TYW1B: variants seen among roughly 807,000 people sequenced by gnomAD.
TYW1B encodes the protein S-adenosyl-L-methionine-dependent tRNA 4-demethylwyosine synthase TYW1B.
Under a neutral mutation model 86.9 loss-of-function variants are expected in TYW1B, and 73 were observed. That is an observed-to-expected ratio of 0.84 (90% CI 0.70 to 1.02). The LOEUF is 1.02. Among genes scored for constraint, TYW1B ranks in the 50% least tolerant of loss-of-function variants. TYW1B has a pLI of 0.00. For missense variants in TYW1B, 637 were observed against 827.4 expected (o/e 0.77, Z 2.82); for synonymous variants, 248 against 292.8 (o/e 0.85, Z 1.56).
chr7:72,750,672 T>G (rs1198054240), intron 7 of TYW1B, among the ~76,000 whole-genome samples: 1 of 152,164 alleles, frequency 6.6e-6, no homozygotes, highest in Non-Finnish European at 1.5e-5. Context: ...CTCATGAAAT[T>G]TCACTCTCCT....
intron 13 of TYW1B, among the ~76,000 whole-genome samples, chr7:72,595,701 T>A (rs2129567926): frequency 6.6e-6 from 1 of 151,712 alleles, no homozygotes; most frequent in East Asian, 1.9e-4. Context: ...AATAAATAAA[T>A]ATAAATAAAA....
intron 3 of TYW1B, among the ~76,000 whole-genome samples, chr7:72,812,571 C>T (rs1179118902): frequency 6.6e-6 from 1 of 152,080 alleles, no homozygotes; most frequent in Non-Finnish European, 1.5e-5. Context: ...TTCAAGCTCA[C>T]TCATGTGCAC....
At chr7:72,584,086 G>A (rs1554430060) in intron 13 of TYW1B, among the ~76,000 whole-genome samples, 4 of 151,806 alleles carry the variant, frequency 2.6e-5, no homozygotes, top group African/African-American at 9.7e-5. Flanking sequence ...TTCCTCTGTC[G>A]CCCAGACTGG....
At chr7:72,825,356 A>G (rs2129573005) in intron 2 of TYW1B, among the ~76,000 whole-genome samples, 1 of 152,172 alleles carries the variant, frequency 6.6e-6, no homozygotes, top group East Asian at 1.9e-4. Flanking sequence ...TAGCACTATT[A>G]GAAATCAAAA....
chr7:72,772,100 C>T (rs1239239231), intron 7 of TYW1B, among the ~76,000 whole-genome samples: 2 of 151,632 alleles, frequency 1.3e-5, no homozygotes, highest in African/African-American at 2.4e-5. Flanking sequence ...CCATCTACCT[C>T]CGCCTCCCAA....
chr7:72,799,215 GCGGCATGATCTCGGCTGACTGCAA>G (rs1554475182), intron 6 of TYW1B, among the ~76,000 whole-genome samples: 1 of 147,640 alleles, frequency 6.8e-6, no homozygotes, highest in Admixed American at 6.9e-5. Context: ...CTTGAATGCA[GCGGCATGATCTCGGCTGACTGCAA>G]CCTCTGCCGC....
At chr7:72,632,388 G>GTATATATATATAATATATATATACA (rs71069095) in intron 11 of TYW1B, among the ~76,000 whole-genome samples, 5,113 of 69,688 alleles carry the variant, frequency 0.073, 340 homozygotes, top group East Asian at 0.24. Flanking sequence ...ATATATATAC[G>GTATATATATATAATATATATATACA]TATATATATA....
intron 11 of TYW1B, among the ~76,000 whole-genome samples, chr7:72,679,688 G>A (rs1477593384): frequency 2.6e-5 from 4 of 152,024 alleles, no homozygotes; most frequent in South Asian, 2.1e-4. Context: ...TGGTAAAAAC[G>A]TAATTTTTTA....
chr7:72,651,615 A>G (rs1301190761), intron 11 of TYW1B, among the ~76,000 whole-genome samples: 5 of 152,318 alleles, frequency 3.3e-5, no homozygotes, highest in Admixed American at 3.3e-4. Context: ...ACTCCAACTC[A>G]AAAAAGTTAA....
intron 11 of TYW1B, among the ~76,000 whole-genome samples, chr7:72,687,122 A>T (rs1462752526): frequency 1.3e-5 from 2 of 152,196 alleles, no homozygotes; most frequent in Non-Finnish European, 2.9e-5. Flanking sequence ...CTGTTTATCA[A>T]GCAATATTAA....
At chr7:72,794,168 T>C (rs1788267863) in intron 6 of TYW1B, among the ~76,000 whole-genome samples, 1 of 152,158 alleles carries the variant, frequency 6.6e-6, no homozygotes, top group Non-Finnish European at 1.5e-5. Flanking sequence ...ATCTCAGATC[T>C]TGACCCATTG....
In TYW1B at chr7:72,622,666, GCACATA is replaced by G. The variant is rs543544767; in HGVS notation, c.1618-5833_1618-5828del. Among the ~76,000 whole-genome samples the G allele has an allele frequency of 4.0e-4, 61 of 151,488 alleles. 1 individual carries two copies. In the South Asian group the frequency reaches 0.013, roughly 31 times the overall value. On this transcript the variant is annotated intron_variant, in intron 12 of 13. Coordinates refer to ENST00000620995, the MANE Select transcript of TYW1B (RefSeq NM_001145440.3). ...ATACAGACACATACCACACACACAT[GCACATA>G]CACATAACACATACACATGCACACA...
At chr7:72,789,668 A>T (rs1311220025) in intron 6 of TYW1B, among the ~76,000 whole-genome samples, 1 of 151,734 alleles carries the variant, frequency 6.6e-6, no homozygotes, top group Non-Finnish European at 1.5e-5. Flanking sequence ...ATAGAGACAG[A>T]GTGTTGCTAT....
At chr7:72,662,252 A>C (rs1234025787) in intron 11 of TYW1B, among the ~76,000 whole-genome samples, 2 of 152,228 alleles carry the variant, frequency 1.3e-5, no homozygotes, top group African/African-American at 4.8e-5. Flanking sequence ...TAAATCTTTA[A>C]ATAGTTAGCT....
At chr7:72,670,955 C>A (rs1356052361) in intron 11 of TYW1B, among the ~76,000 whole-genome samples, 3 of 151,986 alleles carry the variant, frequency 2.0e-5, no homozygotes, top group African/African-American at 7.3e-5. Context: ...GCTTAATATT[C>A]CAGTCTGTAA....
intron 6 of TYW1B, among the ~76,000 whole-genome samples, chr7:72,785,716 A>G (rs1554472321): frequency 1.3e-5 from 2 of 152,200 alleles, no homozygotes; most frequent in Non-Finnish European, 2.9e-5. Flanking sequence ...GCACTGGCAC[A>G]TACTACTTCC....
intron 13 of TYW1B, among the ~76,000 whole-genome samples, chr7:72,603,867 C>T (rs1405386668): frequency 6.6e-6 from 1 of 151,986 alleles, no homozygotes; most frequent in African/African-American, 2.4e-5. Context: ...TCAAGGTCAT[C>T]AAAAATAAGG....
At chr7:72,620,374 G>A (rs1554437743) in intron 12 of TYW1B, among the ~76,000 whole-genome samples, 1 of 152,152 alleles carries the variant, frequency 6.6e-6, no homozygotes, top group Non-Finnish European at 1.5e-5. Context: ...TCCAGCCTGG[G>A]CAACAGAGCA....
At position 72,653,594 on chromosome 7, in the gene TYW1B, G is replaced by A. The variant is rs181938589; in HGVS notation, c.1507-24597C>T. Among the ~76,000 whole-genome samples, 898 of 120,284 alleles carry A rather than the reference G, an allele frequency of 7.5e-3. 10 individuals are homozygous for A. The highest frequency in any genetic ancestry group is 0.027 in the African/African-American group (848 of 31,526). The allele number at this position is 120,284 out of a possible 152,430, so 78.9% of individuals were successfully genotyped here. On this transcript the variant is annotated intron_variant, in intron 11 of 13. Coordinates refer to ENST00000620995, the MANE Select transcript of TYW1B (RefSeq NM_001145440.3). Reference sequence around the variant, plus strand: ...TGCACTCCAGCCTGGGCGACAGAGCGAGACTCCGTCTCAAAAAATAATAAT... The same window carrying A: ...TGCACTCCAGCCTGGGCGACAGAGCAAGACTCCGTCTCAAAAAATAATAAT...
Sources: allele counts gnomAD v4.1 joint callset (sites outside exome capture counted in the v4.1 genomes callset), GRCh38; gene constraint gnomAD v4.1.1; transcripts MANE v1.5; gene names NCBI Gene and HGNC (gene_info 2026-07-23, HGNC 2026-07-21).